The following AFDN variants were observed in gnomAD, a reference collection of about 807,000 sequenced individuals.
AFDN encodes afadin.
In AFDN, 68 loss-of-function variants were observed where a neutral mutation model predicts 216.6. That is an observed-to-expected ratio of 0.31 (90% CI 0.26 to 0.38). The LOEUF (loss-of-function observed/expected upper bound fraction) is 0.38. AFDN is among the 10% of genes least tolerant of loss of function. The pLI, the probability that AFDN is intolerant of heterozygous loss-of-function variation, is 1.00. For synonymous variants in AFDN, 868 were observed against 853.7 expected (o/e 1.02, Z -0.29); for missense variants, 2,136 against 2,342.0 (o/e 0.91, Z 1.82).
chr6:167,844,854 T>C (rs948407565), intron 1 of AFDN, among the ~76,000 whole-genome samples: 11 of 141,156 alleles, frequency 7.8e-5, no homozygotes, highest in Admixed American at 2.1e-4. Flanking sequence ...CTTTTCTTTT[T>C]TTTTTTTTTT....
At chr6:167,834,105 A>G (rs1274066551) in intron 1 of AFDN, among the ~76,000 whole-genome samples, 1 of 151,856 alleles carries the variant, frequency 6.6e-6, no homozygotes, top group Non-Finnish European at 1.5e-5. Context: ...TTTTTTTTTA[A>G]ATTTTTTATT....
Position 167,962,458 on chromosome 6 carries a change from A to G in AFDN, c.4859A>G (p.Gln1620Arg), listed in dbSNP as rs778620807. 3.1e-6 allele frequency: 5 copies of G among 1,613,604 alleles called. No homozygotes were observed. In the African/African-American group the frequency reaches 4.0e-5, roughly 13 times the overall value. Reference sequence around the variant, plus strand: ...TTGCAGGACGAGGAGCGGAGGCGGCAGCAGCAGTTAGAAGAGATGCGCAAG... The same window carrying G: ...TTGCAGGACGAGGAGCGGAGGCGGCGGCAGCAGTTAGAAGAGATGCGCAAG... ...ARLQDEERRR[Q>R]QQLEEMRKRE... The change falls in exon 31 of 34, where the codon CAG (glutamine) becomes CGG (arginine). Residue 1620 changes from glutamine (Q) to arginine (R), a missense_variant. By Grantham distance (43) the Gln-to-Arg change is conservative. Around this residue, in one of 8 missense-constraint regions of AFDN, gnomAD observed 981 missense variants for 966.0 expected, o/e 1.02. Coordinates refer to ENST00000683244, the MANE Select transcript of AFDN (RefSeq NM_001386888.1). This position sits in a 1 kb window ranked among gnomAD's most constrained non-coding sequence, Gnocchi z 5.2.
Position 167,951,396 on chromosome 6 carries a change from G to A in AFDN, c.4042G>A (p.Gly1348Ser), listed in dbSNP as rs1462572100. 1 of 1,613,974 alleles carries A rather than the reference G, an allele frequency of 6.2e-7. No homozygotes were observed. The highest frequency in any genetic ancestry group is 1.3e-5 in the African/African-American group (1 of 74,920). ...PASTLTKSGPGRWKTPAAIPA... is the reference protein window; with the variant it reads ...PASTLTKSGPSRWKTPAAIPA... ...TTCCACACTGACCAAAAGTGGCCCT[G>A]GCCGTTGGAAAACACCAGCAGCCAT... Residue 1348 changes from glycine (G) to serine (S), a missense_variant, in exon 30 of 34, where the codon GGC becomes AGC. Physicochemically the swap from Gly to Ser is moderately conservative, Grantham distance 56 (BLOSUM62 0). Transcript: ENST00000683244. The surrounding 1 kb of genome is among the most constrained non-coding windows in gnomAD (Gnocchi z 7.1).
intron 29 of AFDN, 35 bp downstream of exon 29, chr6:167,948,513 C>T (rs774418160): frequency 6.3e-7 from 1 of 1,586,366 alleles, no homozygotes; most frequent in Non-Finnish European, 8.6e-7. Context: ...CTTTTCTCAC[C>T]TCTCAAGGAG....
rs1361202351 is a variant in AFDN, at chr6:167,971,883, AT to A, written c.*1953del. ...TTCTACTGTATTTCAGTTGCAACCTATTTTTAATAAACTTTGTATGTATTTA... is the reference window on the plus strand; with the variant it reads ...TTCTACTGTATTTCAGTTGCAACCTATTTTAATAAACTTTGTATGTATTTA... On this transcript the variant is annotated 3_prime_UTR_variant, in exon 34 of 34. Coordinates refer to ENST00000683244, the MANE Select transcript of AFDN (RefSeq NM_001386888.1). 1 of 201,950 alleles carries A rather than the reference AT, an allele frequency of 5.0e-6. No individual in the cohort carries two copies. Among genetic ancestry groups the A allele is most frequent in the Non-Finnish European group, 1.0e-5 (1 of 98,298 alleles). The allele number at this position is 201,950 out of a possible 1,614,324, so 12.5% of individuals were successfully genotyped here. A position where few individuals can be genotyped will look rare whatever the true frequency, so the allele number is the denominator to read the frequency against.
At chr6:167,911,614 TA>T in intron 15 of AFDN, 125 bp downstream of exon 15, 1 of 811,948 alleles carries the variant, frequency 1.2e-6, no homozygotes, top group Non-Finnish European at 2.0e-6. Context: ...AAAAGTTATG[TA>T]AATATTGTAG....
chr6:167,879,088 G>A (rs552770247), intron 5 of AFDN, among the ~76,000 whole-genome samples: 154 of 152,302 alleles, frequency 1.0e-3, no homozygotes, highest in African/African-American at 3.6e-3. Context: ...AGCTGTTGAG[G>A]CAGGAATATC....
At chr6:167,888,418 C>A (rs767396610) in intron 6 of AFDN, among the ~76,000 whole-genome samples, 3 of 152,104 alleles carry the variant, frequency 2.0e-5, no homozygotes, top group Non-Finnish European at 4.4e-5. Context: ...ACTTGGCCTT[C>A]TTTTCTTATT....
intron 31 of AFDN, chr6:167,965,147 G>GTTTTTTTT (rs397887939): frequency 1.5e-6 from 1 of 649,570 alleles, no homozygotes; most frequent in African/African-American, 2.0e-5. Context: ...GAGAATGAGT[G>GTTTTTTTT]TTTTTTTTTT....
rs918691997 is a variant in AFDN, at chr6:167,846,893, TAA to T, written c.106-17657_106-17656del. Among the ~76,000 whole-genome samples, 16 of 152,272 alleles carry T rather than the reference TAA, an allele frequency of 1.1e-4. No homozygotes were observed. In the East Asian group the frequency reaches 1.9e-3, roughly 18 times the overall value. On this transcript the variant is annotated intron_variant, in intron 1 of 33. Coordinates refer to ENST00000683244, the MANE Select transcript of AFDN (RefSeq NM_001386888.1). The stretch of plus-strand genomic sequence containing the variant: ...TATAATTCGTCAACTGAATCTGCGT[TAA>T]GACATTCAATAATTGTATTATTGTT...
intron 6 of AFDN, among the ~76,000 whole-genome samples, chr6:167,880,827 A>G (rs1412168895): frequency 1.3e-5 from 2 of 152,208 alleles, no homozygotes; most frequent in Non-Finnish European, 2.9e-5. Context: ...ATTGATACAT[A>G]TGTCTATCTT....
At chr6:167,896,736 T>TA (rs1788306454) in intron 9 of AFDN, 142 bp from the exon 10 acceptor site, 1 of 561,438 alleles carries the variant, frequency 1.8e-6, no homozygotes, top group Non-Finnish European at 3.2e-6. Context: ...TAAATTGTGT[T>TA]ACATAAGTTT....
chr6:167,905,544 G>A lies in AFDN; in HGVS notation c.1651-1627G>A, dbSNP rs150158225. ...GGTCCTTTTCTGGACTCTGGTATGG[G>A]TCTATATGTTCATGTATGCATTTTA... On this transcript the variant is annotated intron_variant, in intron 12 of 33. Transcript: ENST00000683244. 1.2e-4 allele frequency among the ~76,000 whole-genome samples: 19 copies of A among 152,154 alleles called. No homozygotes were observed. The East Asian group carries it at 3.7e-3, about 29-fold the overall frequency.
upstream of AFDN, chr6:167,826,622 A>G (rs1779075593): frequency 2.0e-6 from 1 of 510,440 alleles, no homozygotes; most frequent in South Asian, 1.5e-5. Context: ...AGCACTGCCC[A>G]TTTAGATCCA....
intron 2 of AFDN, among the ~76,000 whole-genome samples, chr6:167,868,235 T>G (rs1562579320): frequency 6.6e-6 from 1 of 152,086 alleles, no homozygotes; most frequent in African/African-American, 2.4e-5. Context: ...AAAGGCCCCT[T>G]AGAAAAACAC....
chr6:167,916,955 T>C, intron 19 of AFDN, 134 bp from the exon 20 acceptor site: 1 of 757,392 alleles, frequency 1.3e-6, no homozygotes, highest in Non-Finnish European at 2.0e-6. Flanking sequence ...TAAATGGAAG[T>C]CTGTTTCCTG....
chr6:167,949,407 G>A (rs949680263), intron 29 of AFDN, among the ~76,000 whole-genome samples: 4 of 152,166 alleles, frequency 2.6e-5, no homozygotes, highest in African/African-American at 9.7e-5. Flanking sequence ...TTGCACTGAG[G>A]AGATGGACGC....
intron 2 of AFDN, among the ~76,000 whole-genome samples, chr6:167,869,776 A>G (rs1784594472): frequency 6.6e-6 from 1 of 152,212 alleles, no homozygotes; most frequent in Admixed American, 6.5e-5. Flanking sequence ...TTGCTAATGA[A>G]AGAAGTAATA....
chr6:167,827,149 G>A lies in AFDN; in HGVS notation c.17G>A (p.Arg6His). The A allele has an allele frequency of 7.7e-7, 1 of 1,293,696 alleles. No individual in the cohort carries two copies. Among genetic ancestry groups the A allele is most frequent in the African/African-American group, 1.6e-5 (1 of 62,684 alleles). The allele number at this position is 1,293,696 out of a possible 1,614,324, so 80.1% of individuals were successfully genotyped here. A position where few individuals can be genotyped will look rare whatever the true frequency, so the allele number is the denominator to read the frequency against. ...GCCAGGACCATGTCGGCGGGCGGCC[G>A]TGACGAGGAGCGGCGGAAGCTGGCC... MSAGG[R>H]DEERRKLADI... The change falls in exon 1 of 34, where the codon CGT becomes CAT. Residue 6 changes from arginine (R) to histidine (H), a missense_variant. Arg to His is a conservative substitution (Grantham distance 29). Transcript: ENST00000683244.
Sources: allele counts gnomAD v4.1 joint callset (sites outside exome capture counted in the v4.1 genomes callset), GRCh38; gene constraint gnomAD v4.1.1; regional missense constraint gnomAD v4.1.1; non-coding constraint Gnocchi (gnomAD v3.1); transcripts MANE v1.5; gene names NCBI Gene and HGNC (gene_info 2026-07-23, HGNC 2026-07-21).